The following GABRG3 variants were observed in gnomAD, a reference collection of about 807,000 sequenced individuals.
GABRG3 encodes the protein gamma-aminobutyric acid receptor subunit gamma-3.
In GABRG3, 25 loss-of-function variants were observed where a neutral mutation model predicts 48.8. That is an observed-to-expected ratio of 0.51 (90% CI 0.37 to 0.72). The LOEUF (loss-of-function observed/expected upper bound fraction) is 0.72, where lower values mean the gene tolerates loss of function less well. Ranked by LOEUF, GABRG3 falls within the 30% of genes least tolerant of loss-of-function variation. GABRG3 has a pLI of 0.00. For synonymous variants in GABRG3, 227 were observed against 217.6 expected (o/e 1.04, Z -0.38); for missense variants, 394 against 577.9 (o/e 0.68, Z 3.26).
intron 3 of GABRG3, among the ~76,000 whole-genome samples, chr15:27,048,887 A>G (rs1031871332): frequency 6.6e-6 from 1 of 152,026 alleles, no homozygotes; most frequent in Non-Finnish European, 1.5e-5. Context: ...CCCCCTGCAA[A>G]TGGATGGAAG....
At chr15:27,139,320 TG>T (rs1898063831) in intron 3 of GABRG3, among the ~76,000 whole-genome samples, 1 of 152,160 alleles carries the variant, frequency 6.6e-6, no homozygotes, top group Non-Finnish European at 1.5e-5. Context: ...CCAGAGAACC[TG>T]GCATTCTAAT....
chr15:27,333,428 T>C (rs1240349542), intron 5 of GABRG3, among the ~76,000 whole-genome samples: 1 of 152,118 alleles, frequency 6.6e-6, no homozygotes, highest in Non-Finnish European at 1.5e-5. Flanking sequence ...GTCCCCTTCT[T>C]CTATCTTTGG....
rs1566801575 is a variant in GABRG3 at position 27,352,902 on chromosome 15, A to G, written c.574+24014A>G. Among the ~76,000 whole-genome samples, 1 of 152,184 alleles carries G rather than the reference A, an allele frequency of 6.6e-6. No homozygotes were observed. Among genetic ancestry groups the G allele is most frequent in the South Asian group, 2.1e-4 (1 of 4,832 alleles). On this transcript the variant is annotated intron_variant, in intron 5 of 9. Coordinates refer to ENST00000615808, the MANE Select transcript of GABRG3 (RefSeq NM_033223.5). The surrounding 1 kb of genome is among the most constrained non-coding windows in gnomAD (Gnocchi z 4.0). Reference sequence around the variant, plus strand: ...CTTGGTAAGTCATTGCATCTGCATTATCTTATCATCACGATTGCTGACAAT... The same window carrying G: ...CTTGGTAAGTCATTGCATCTGCATTGTCTTATCATCACGATTGCTGACAAT...
intron 3 of GABRG3, among the ~76,000 whole-genome samples, chr15:27,059,687 A>T (rs17137591): frequency 6.6e-6 from 1 of 152,340 alleles, no homozygotes; most frequent in East Asian, 1.9e-4. Flanking sequence ...CTGAGATGGC[A>T]TGAAGGCGAG....
chr15:27,317,871 T>A (rs1245058855), intron 3 of GABRG3, among the ~76,000 whole-genome samples: 1 of 147,830 alleles, frequency 6.8e-6, no homozygotes. Context: ...CTGCACATCC[T>A]TAGCTCATGC....
At chr15:27,341,145 T>G (rs1323769725) in intron 5 of GABRG3, 2 of 272,686 alleles carry the variant, frequency 7.3e-6, no homozygotes, top group African/African-American at 4.4e-5. Flanking sequence ...TTTTTATATG[T>G]GGCTTTCCAG....
chr15:27,014,240 A>G (rs1895737870), intron 2 of GABRG3, among the ~76,000 whole-genome samples: 1 of 151,886 alleles, frequency 6.6e-6, no homozygotes, highest in South Asian at 2.1e-4. Flanking sequence ...GATCTTTTCG[A>G]AGAATCAGCT....
At chr15:27,267,102 CTTTTTTTTTT>C (rs57772496) in intron 3 of GABRG3, among the ~76,000 whole-genome samples, 2 of 112,858 alleles carry the variant, frequency 1.8e-5, no homozygotes, top group South Asian at 5.6e-4. Flanking sequence ...TAGTCTTTTA[CTTTTTTTTTT>C]TTTTTTTTTT....
At chr15:27,106,026 A>G (rs1897443808) in intron 3 of GABRG3, among the ~76,000 whole-genome samples, 2 of 152,160 alleles carry the variant, frequency 1.3e-5, no homozygotes, top group Admixed American at 1.3e-4. Flanking sequence ...AGCCAGATAC[A>G]GAAAGGAAAA....
intron 3 of GABRG3, among the ~76,000 whole-genome samples, chr15:27,156,471 C>T (rs747719971): frequency 2.0e-5 from 3 of 151,856 alleles, no homozygotes; most frequent in East Asian, 1.9e-4. Flanking sequence ...TGGAATGAAA[C>T]GAAAAGCAAA....
intron 3 of GABRG3, among the ~76,000 whole-genome samples, chr15:27,318,992 G>T (rs571075493): frequency 1.5e-4 from 23 of 152,276 alleles, no homozygotes; most frequent in Admixed American, 4.6e-4. Context: ...ACTGTATTGT[G>T]TACTTGAAAT....
chr15:27,520,235 G>A, intron 7 of GABRG3, 111 bp downstream of exon 7: 1 of 1,110,134 alleles, frequency 9.0e-7, no homozygotes. Flanking sequence ...TCTCATTTGA[G>A]GGTGACTTGA....
intron 3 of GABRG3, among the ~76,000 whole-genome samples, chr15:27,256,428 A>G (rs531473450): frequency 3.2e-4 from 47 of 148,368 alleles, no homozygotes; most frequent in Middle Eastern, 6.9e-3. Flanking sequence ...GCGACAGAGC[A>G]AGACTCCGTC....
chr15:27,139,095 G>T (rs1898059341), intron 3 of GABRG3, among the ~76,000 whole-genome samples: 2 of 152,066 alleles, frequency 1.3e-5, no homozygotes, highest in Admixed American at 6.6e-5. Context: ...TATGAGAACT[G>T]GTTCACAGGA....
At chr15:27,165,745 C>G (rs1271440061) in intron 3 of GABRG3, among the ~76,000 whole-genome samples, 1 of 152,078 alleles carries the variant, frequency 6.6e-6, no homozygotes, top group Admixed American at 6.6e-5. Flanking sequence ...AGGGAGCTCA[C>G]CAGTCAGTGA....
At position 27,527,570 on chromosome 15, in the gene GABRG3, GC is replaced by G; in HGVS notation, c.1005del (p.Thr336ProfsTer33). On this transcript the variant is annotated frameshift_variant, in exon 8 of 10. Transcript: ENST00000615808. LOFTEE classifies it high-confidence loss of function. ...LFVFAALMEY[A>X]TLNYYSSCRK... ...TGTCTTCGCCGCGCTGATGGAGTAT[GC>G]CACCCTCAACTACTATTCCAGCTGT... is the stretch of plus-strand genomic sequence containing the variant. 1.2e-6 allele frequency: 2 copies of G among 1,613,772 alleles called. No individual in the cohort carries two copies. The highest frequency in any genetic ancestry group is 1.7e-6 in the Non-Finnish European group (2 of 1,179,828).
intron 3 of GABRG3, among the ~76,000 whole-genome samples, chr15:27,178,769 G>T (rs182580030): frequency 8.5e-5 from 13 of 152,246 alleles, no homozygotes; most frequent in Admixed American, 8.5e-4. Context: ...ATTCTTCTTG[G>T]GTTCTCTGAA....
intron 6 of GABRG3, among the ~76,000 whole-genome samples, chr15:27,494,704 A>G (rs1489726917): frequency 1.3e-5 from 2 of 152,158 alleles, no homozygotes; most frequent in East Asian, 1.9e-4. Flanking sequence ...TATTTCCAAT[A>G]TTGGCAATTT....
chr15:27,080,507 G>GATGGCTT (rs1896975297), intron 3 of GABRG3, among the ~76,000 whole-genome samples: 1 of 152,178 alleles, frequency 6.6e-6, no homozygotes, highest in Non-Finnish European at 1.5e-5. Context: ...AGCTGGGCAT[G>GATGGCTT]ATGGCTTGCA....
Sources: gnomAD v4.1 joint callset for allele counts (sites outside exome capture counted in the v4.1 genomes callset) on GRCh38, gnomAD v4.1.1 for gene constraint, Gnocchi (gnomAD v3.1) non-coding constraint, MANE v1.5 for transcripts, NCBI Gene and HGNC (gene_info 2026-07-23, HGNC 2026-07-21) for gene names.